Variants in MIS18BP1 observed in about 807,000 individuals in gnomAD.
MIS18BP1 encodes MIS18 binding protein 1, also known as mis18-binding protein 1.
Under a neutral mutation model 116.1 loss-of-function variants are expected in MIS18BP1, and 72 were observed. The observed-to-expected ratio is 0.62, with a 90% CI of 0.51 to 0.75. The LOEUF (loss-of-function observed/expected upper bound fraction) is 0.75. Ranked by LOEUF, MIS18BP1 falls within the 30% of genes least tolerant of loss-of-function variation. The pLI, the probability that MIS18BP1 is intolerant of heterozygous loss-of-function variation, is 0.00. For synonymous variants in MIS18BP1, 386 were observed against 427.0 expected (o/e 0.90, Z 1.18); for missense variants, 1,363 against 1,303.2 (o/e 1.05, Z -0.71).
chr14:45,227,558 A>G lies in MIS18BP1; in HGVS notation c.1746+105T>C, dbSNP rs1450668676. On this transcript the variant is annotated intron_variant, in intron 9 of 16. Transcript: ENST00000310806. ...AGACTCCATCTCAAAAGAAAAAAAA[A>G]AAAAAAACAGAACTCACGTCCCTGA... The G allele has an allele frequency of 2.9e-6, 3 of 1,040,498 alleles. No individual in the cohort carries two copies. In the African/African-American group the frequency reaches 4.9e-5, roughly 17 times the overall value. The allele number at this position is 1,040,498 out of a possible 1,614,324, so 64.5% of individuals were successfully genotyped here. A position where few individuals can be genotyped will look rare whatever the true frequency, so the allele number is the denominator to read the frequency against.
chr14:45,233,526 A>C (rs1374261867), intron 6 of MIS18BP1, among the ~76,000 whole-genome samples: 1 of 152,220 alleles, frequency 6.6e-6, no homozygotes, highest in Non-Finnish European at 1.5e-5. Context: ...CCTGTGGAAG[A>C]GCAAGGGAAG....
At chr14:45,219,040 C>T (rs1309926612) in intron 11 of MIS18BP1, among the ~76,000 whole-genome samples, 4 of 152,070 alleles carry the variant, frequency 2.6e-5, no homozygotes, top group Non-Finnish European at 4.4e-5. Context: ...TCTACAAGTT[C>T]CTTTGTAAAT....
At chr14:45,206,214 T>G (rs759573953) in intron 14 of MIS18BP1, 44 bp from the exon 15 acceptor site, 2 of 1,330,194 alleles carry the variant, frequency 1.5e-6, no homozygotes, top group South Asian at 1.3e-5. Context: ...TATTTTTAAG[T>G]CAACCTAATA....
At chr14:45,222,927 C>T (rs1273765057) in intron 11 of MIS18BP1, among the ~76,000 whole-genome samples, 2 of 152,140 alleles carry the variant, frequency 1.3e-5, no homozygotes, top group Non-Finnish European at 2.9e-5. Flanking sequence ...CAGGTACTTG[C>T]CCCACTACTT....
chr14:45,251,432 T>G (rs1476501507), intron 1 of MIS18BP1, among the ~76,000 whole-genome samples: 3 of 152,154 alleles, frequency 2.0e-5, no homozygotes, highest in Non-Finnish European at 2.9e-5. Flanking sequence ...TAAACAATTA[T>G]GTATATGATC....
At chr14:45,227,879 G>T in intron 8 of MIS18BP1, 65 bp from the exon 9 acceptor site, 2 of 1,529,880 alleles carry the variant, frequency 1.3e-6, no homozygotes, top group East Asian at 2.3e-5. Flanking sequence ...TTTTCTACAT[G>T]AAGAATTAAC....
rs1594518181 is a variant in MIS18BP1 at position 45,232,679 on chromosome 14, T to A, written c.1436+54A>T. On this transcript the variant is annotated intron_variant, in intron 7 of 16. Transcript: ENST00000310806. Reference sequence around the variant, plus strand: ...ACATGGTGGCACACACATAATTAAATGTAAATTATATCTCAATAAAGTTGA... The same window carrying A: ...ACATGGTGGCACACACATAATTAAAAGTAAATTATATCTCAATAAAGTTGA... The A allele has an allele frequency of 2.3e-5, 23 of 984,094 alleles. No homozygotes were observed. In the East Asian group the frequency reaches 6.1e-4, roughly 26 times the overall value. 61.0% of individuals were successfully genotyped at this position (984,094 alleles called of 1,614,324 possible).
chr14:45,244,198 G>A (rs939980159), intron 2 of MIS18BP1, among the ~76,000 whole-genome samples: 9 of 152,206 alleles, frequency 5.9e-5, no homozygotes, highest in Non-Finnish European at 1.3e-4. Flanking sequence ...TGCTACCTAT[G>A]AGACATAGAG....
Position 45,246,870 on chromosome 14 carries a change from T to C in MIS18BP1, c.417A>G (p.Pro139=). Residue 139 remains proline (P), a synonymous_variant, in exon 2 of 17, where the codon CCA becomes CCG. Transcript: ENST00000310806. ...QPSRNSSLLE[P]QKSGNNETFT... is the part of the protein sequence containing the mutation. ...AGGTTTCATTATTTCCACTTTTCTG[T>C]GGTTCCAACAAACTACTGTTTCTTG... 6.2e-7 allele frequency: 1 copy of C among 1,612,752 alleles called. No individual in the cohort carries two copies. The highest frequency in any genetic ancestry group is 8.5e-7 in the Non-Finnish European group (1 of 1,179,722).
chr14:45,227,715 T>A lies in MIS18BP1; in HGVS notation c.1694A>T (p.Asp565Val), dbSNP rs147192992. Residue 565 changes from aspartate (D) to valine (V), a missense_variant, in exon 9 of 17, where the codon GAC (aspartate) becomes GTC (valine). Coordinates refer to ENST00000310806, the MANE Select transcript of MIS18BP1 (RefSeq NM_018353.5). ...ATTTTGAATAGTATTATTTACTTGG[T>A]CATCTGGGAACCTTAATGTTGGTTT... is the stretch of plus-strand genomic sequence containing the variant. ...QNKPTLRFPD[D>V]QVNNTIQNGG... 30 of 1,613,936 alleles carry A rather than the reference T, an allele frequency of 1.9e-5. No individual in the cohort carries two copies. The African/African-American group carries it at 3.1e-4, about 16-fold the overall frequency.
chr14:45,218,337 T>A lies in MIS18BP1; in HGVS notation c.2787A>T (p.Lys929Asn). 2 of 1,613,860 alleles carry A rather than the reference T, an allele frequency of 1.2e-6. No homozygotes were observed. Among genetic ancestry groups the A allele is most frequent in the Non-Finnish European group, 1.7e-6 (2 of 1,179,912 alleles). Residue 929 changes from lysine (K) to asparagine (N), a missense_variant, in exon 12 of 17, where the codon AAA becomes AAT. Coordinates refer to ENST00000310806, the MANE Select transcript of MIS18BP1 (RefSeq NM_018353.5). Reference sequence around the variant, plus strand: ...TCTTAGTGACATGTTTCTGGGATCCTTTTCCTCTGGGATTTTCCATGTATT... The same window carrying A: ...TCTTAGTGACATGTTTCTGGGATCCATTTCCTCTGGGATTTTCCATGTATT... ...QRKYMENPRG[K>N]GSQKHVTKKK...
chr14:45,224,757 A>G lies in MIS18BP1; in HGVS notation c.1841-11T>C, dbSNP rs770203341. The G allele has an allele frequency of 5.2e-6, 8 of 1,537,312 alleles. No individual in the cohort carries two copies. The highest frequency in any genetic ancestry group is 1.4e-5 in the African/African-American group (1 of 71,734). On this transcript the variant is annotated splice_polypyrimidine_tract_variant and intron_variant, in intron 10 of 16. Transcript: ENST00000310806. ...ATTCTTCAGTTGTCTCTTTAATTTCATAAGACAAAACCAAAGACCAAAATC... is the reference window on the plus strand; with the variant it reads ...ATTCTTCAGTTGTCTCTTTAATTTCGTAAGACAAAACCAAAGACCAAAATC...
chr14:45,210,489 G>A lies in MIS18BP1; in HGVS notation c.3043C>T (p.Leu1015=). The change falls in exon 14 of 17, where the codon CTG becomes TTG. Residue 1015 remains leucine (L), a synonymous_variant. Coordinates refer to ENST00000310806, the MANE Select transcript of MIS18BP1 (RefSeq NM_018353.5). ...GTTGGATTTTTGTCCATATTTGGCA[G>A]AATATCATCATCATCTTCACTGTCC... ...FQDSEDDDDI[L]PNMDKNPTTP... The A allele has an allele frequency of 6.2e-7, 1 of 1,613,984 alleles. No homozygotes were observed. The highest frequency in any genetic ancestry group is 8.5e-7 in the Non-Finnish European group (1 of 1,179,942).
At chr14:45,236,590 C>T (rs998526962) in intron 5 of MIS18BP1, among the ~76,000 whole-genome samples, 3 of 152,082 alleles carry the variant, frequency 2.0e-5, no homozygotes, top group East Asian at 3.8e-4. Context: ...ATAAGCATGA[C>T]GAATAAGGAA....
In MIS18BP1 at chr14:45,247,087, G is replaced by T; in HGVS notation, c.200C>A (p.Thr67Lys). ...AAATATATTTTTATTGTTAAAAGTT[G>T]TCATTTTTAGGAACTGATTCTTTTT... ...DHKKNQFLKM[T>K]TFNNKNIFQS... Residue 67 changes from threonine to lysine, a missense_variant, in exon 2 of 17, where the codon ACA becomes AAA. Transcript: ENST00000310806. 1 of 1,612,280 alleles carries T rather than the reference G, an allele frequency of 6.2e-7. No individual in the cohort carries two copies. The highest frequency in any genetic ancestry group is 1.1e-5 in the South Asian group (1 of 90,748).
chr14:45,215,935 A>C (rs1386307184), intron 13 of MIS18BP1, among the ~76,000 whole-genome samples: 1 of 151,208 alleles, frequency 6.6e-6, no homozygotes, highest in Non-Finnish European at 1.5e-5. Flanking sequence ...TGATCTCCTG[A>C]CCTCGTGATC....
intron 9 of MIS18BP1, 114 bp from the exon 10 acceptor site, chr14:45,226,950 C>T: frequency 1.1e-6 from 1 of 891,148 alleles, no homozygotes; most frequent in Middle Eastern, 3.7e-4. Context: ...TACAGTTCCG[C>T]AAATTTCATT....
intron 9 of MIS18BP1, 43 bp from the exon 10 acceptor site, chr14:45,226,879 A>G (rs1320402641): frequency 1.6e-6 from 2 of 1,272,922 alleles, no homozygotes; most frequent in Non-Finnish European, 2.1e-6. Flanking sequence ...TAAAACTACT[A>G]CCAAAACATG....
chr14:45,244,187 T>C (rs928644035), intron 2 of MIS18BP1, among the ~76,000 whole-genome samples: 8 of 152,138 alleles, frequency 5.3e-5, no homozygotes, highest in African/African-American at 1.9e-4. Flanking sequence ...AGCTTATTAC[T>C]TGCTACCTAT....
Sources: allele counts gnomAD v4.1 joint callset (sites outside exome capture counted in the v4.1 genomes callset), GRCh38; gene constraint gnomAD v4.1.1; transcripts MANE v1.5; gene names NCBI Gene and HGNC (gene_info 2026-07-23, HGNC 2026-07-21).